ANKRD6: variants seen among roughly 807,000 people sequenced by gnomAD.
The protein encoded by ANKRD6 is ankyrin repeat domain 6, also known as ankyrin repeat domain-containing protein 6.
Under a neutral mutation model 82.3 loss-of-function variants are expected in ANKRD6, and 56 were observed. The observed-to-expected ratio is 0.68, with a 90% CI of 0.55 to 0.85. The LOEUF is 0.85. Among genes scored for constraint, ANKRD6 ranks in the 40% least tolerant of loss-of-function variants. The probability of loss-of-function intolerance (pLI) is 0.00; values close to 1 mark genes in which losing one functional copy is unlikely to be tolerated. For missense variants in ANKRD6, 852 were observed against 907.6 expected (o/e 0.94, Z 0.79); for synonymous variants, 347 against 352.1 (o/e 0.99, Z 0.16).
intron 2 of ANKRD6, among the ~76,000 whole-genome samples, chr6:89,583,851 C>T (rs1793134865): frequency 1.3e-5 from 2 of 152,192 alleles, no homozygotes; most frequent in African/African-American, 2.4e-5. Context: ...CTGTTTGCCC[C>T]CTGCTTCTCT....
Position 89,630,485 on chromosome 6 carries a change from C to G in ANKRD6, c.1665C>G (p.Ser555=). The part of the protein sequence containing the change: ...TAGPAAASDS[S]PPVVRPKEKA... ...GTCCAGCAGCAGCTTCCGACAGCTC[C>G]CCTCCAGTGGTTAGGCCCAAAGAGA... Residue 555 remains serine, a synonymous_variant, in exon 16 of 16, where the codon TCC becomes TCG. Transcript: ENST00000339746. The G allele has an allele frequency of 6.2e-7, 1 of 1,613,990 alleles. No homozygotes were observed. Among genetic ancestry groups the G allele is most frequent in the Non-Finnish European group, 8.5e-7 (1 of 1,179,878 alleles).
chr6:89,545,162 G>T (rs559151524), intron 1 of ANKRD6, among the ~76,000 whole-genome samples: 1 of 145,178 alleles, frequency 6.9e-6, no homozygotes, highest in East Asian at 2.0e-4. Context: ...GCAGTGAGCC[G>T]AGATCACGCC....
At chr6:89,504,712 G>A (rs190191570) in intron 1 of ANKRD6, among the ~76,000 whole-genome samples, 107 of 152,260 alleles carry the variant, frequency 7.0e-4, no homozygotes, top group Middle Eastern at 3.4e-3. Flanking sequence ...GCTGAAGGAC[G>A]GTCTTGAAGT....
chr6:89,608,720 C>T (rs771018908), intron 5 of ANKRD6, among the ~76,000 whole-genome samples: 1 of 152,114 alleles, frequency 6.6e-6, no homozygotes, highest in African/African-American at 2.4e-5. Flanking sequence ...CATCCGTCTC[C>T]CCTCTCCAGT....
chr6:89,453,120 T>G (rs908654303), intron 1 of ANKRD6, among the ~76,000 whole-genome samples: 1 of 152,318 alleles, frequency 6.6e-6, no homozygotes, highest in South Asian at 2.1e-4. Flanking sequence ...CCATCCCAAT[T>G]GTCATTCCCT....
intron 1 of ANKRD6, among the ~76,000 whole-genome samples, chr6:89,533,030 T>C (rs1447275818): frequency 6.6e-6 from 1 of 152,080 alleles, no homozygotes; most frequent in Non-Finnish European, 1.5e-5. Flanking sequence ...CGTGCTGCCA[T>C]ATTTGGCTAA....
intron 1 of ANKRD6, among the ~76,000 whole-genome samples, chr6:89,514,375 C>T (rs2127950039): frequency 6.6e-6 from 1 of 151,870 alleles, no homozygotes; most frequent in South Asian, 2.1e-4. Context: ...AAGACTCCAT[C>T]TCAAAAAAAA....
At chr6:89,439,076 C>T (rs1429065534) in intron 1 of ANKRD6, among the ~76,000 whole-genome samples, 2 of 152,042 alleles carry the variant, frequency 1.3e-5, no homozygotes, top group Non-Finnish European at 2.9e-5. Context: ...ATACAGGAAA[C>T]AAATGTATCA....
chr6:89,629,172 A>C lies in ANKRD6; in HGVS notation c.1546A>C (p.Lys516Gln). The C allele has an allele frequency of 6.2e-7, 1 of 1,613,868 alleles. No individual in the cohort carries two copies. Among genetic ancestry groups the C allele is most frequent in the Non-Finnish European group, 8.5e-7 (1 of 1,179,858 alleles). Reference sequence around the variant, plus strand: ...GTTAAAGATTCAGAATCTGGAGCAGAAGCTTTCTGGAGATTCTAGGGCCTG... The same window carrying C: ...GTTAAAGATTCAGAATCTGGAGCAGCAGCTTTCTGGAGATTCTAGGGCCTG... Reference protein sequence around the residue: ...CMLKIQNLEQKLSGDSRACRA... With the variant: ...CMLKIQNLEQQLSGDSRACRA... The change falls in exon 15 of 16, where the codon AAG (lysine) becomes CAG (glutamine). Residue 516 changes from lysine to glutamine, a missense_variant. By Grantham distance (53) the Lys-to-Gln change is moderately conservative. Transcript: ENST00000339746.
chr6:89,436,871 C>G (rs944874546), intron 1 of ANKRD6, among the ~76,000 whole-genome samples: 1 of 152,186 alleles, frequency 6.6e-6, no homozygotes, highest in Non-Finnish European at 1.5e-5. Flanking sequence ...TCTTCCTCAT[C>G]CCGTCAAGGG....
chr6:89,521,118 T>A (rs1045240220), intron 1 of ANKRD6, among the ~76,000 whole-genome samples: 1 of 152,264 alleles, frequency 6.6e-6, no homozygotes, highest in Non-Finnish European at 1.5e-5. Flanking sequence ...GCTTCATTTT[T>A]AAATAAGTAT....
chr6:89,549,943 A>C (rs1167746605), intron 1 of ANKRD6, among the ~76,000 whole-genome samples: 2 of 152,150 alleles, frequency 1.3e-5, no homozygotes, highest in African/African-American at 2.4e-5. Flanking sequence ...AAAAGAAAAA[A>C]AAATTAGCCA....
chr6:89,567,238 G>T, intron 2 of ANKRD6, 142 bp downstream of exon 2: 1 of 1,212,468 alleles, frequency 8.2e-7, no homozygotes, highest in South Asian at 1.7e-5. Context: ...GGAGAAGGAG[G>T]ATTATTAAGA....
chr6:89,633,551 T>C lies in ANKRD6; in HGVS notation c.*2547T>C, dbSNP rs1052432273. The C allele has an allele frequency of 6.6e-6, 1 of 152,210 alleles. No homozygotes were observed. The highest frequency in any genetic ancestry group is 2.4e-5 in the African/African-American group (1 of 41,452). 9.4% of individuals were successfully genotyped at this position (152,210 alleles called of 1,614,324 possible). A position where few individuals can be genotyped will look rare whatever the true frequency, so the allele number is the denominator to read the frequency against. On this transcript the variant is annotated 3_prime_UTR_variant, in exon 16 of 16. Transcript: ENST00000339746. ...GGGAAAAACTAAAACACAGAAATAC[T>C]GTACAGTATTAGTGTTTTTTTAAAG...
intron 1 of ANKRD6, among the ~76,000 whole-genome samples, chr6:89,476,700 A>T (rs1416187330): frequency 2.0e-5 from 3 of 152,250 alleles, no homozygotes; most frequent in Non-Finnish European, 4.4e-5. Flanking sequence ...TATAAAAGTA[A>T]TACAGTGCTT....
chr6:89,630,924 A>G lies in ANKRD6; in HGVS notation c.2104A>G (p.Lys702Glu). ...AGCCAATCAGAAAGCCCAGCAAGAT[A>G]AGGCTACATTGAAGGAACACATTAA... ...SQANQKAQQDKATLKEHIKSL... is the reference protein window; with the variant it reads ...SQANQKAQQDEATLKEHIKSL... The change falls in exon 16 of 16, where the codon AAG (lysine) becomes GAG (glutamate). Residue 702 changes from lysine to glutamate, a missense_variant. By Grantham distance (56) the Lys-to-Glu change is moderately conservative. Transcript: ENST00000339746. 1 of 1,610,582 alleles carries G rather than the reference A, an allele frequency of 6.2e-7. No individual in the cohort carries two copies. Among genetic ancestry groups the G allele is most frequent in the East Asian group, 2.2e-5 (1 of 44,868 alleles).
intron 1 of ANKRD6, among the ~76,000 whole-genome samples, chr6:89,441,002 A>AAAACATGTT (rs1489063099): frequency 6.6e-6 from 1 of 152,118 alleles, no homozygotes; most frequent in Non-Finnish European, 1.5e-5. Flanking sequence ...TTTTTACAGA[A>AAAACATGTT]AAACATGTTG....
intron 1 of ANKRD6, among the ~76,000 whole-genome samples, chr6:89,507,916 A>G (rs1780066480): frequency 1.3e-5 from 2 of 152,150 alleles, no homozygotes. Context: ...TGTGTCCTAG[A>G]ATGATCCAGC....
At chr6:89,564,353 A>G (rs980959922) in intron 1 of ANKRD6, among the ~76,000 whole-genome samples, 4 of 152,142 alleles carry the variant, frequency 2.6e-5, no homozygotes, top group South Asian at 2.1e-4. Flanking sequence ...TGCTTGGCCA[A>G]TGTTTTCTCA....
Sources: allele counts gnomAD v4.1 joint callset (sites outside exome capture counted in the v4.1 genomes callset), GRCh38; gene constraint gnomAD v4.1.1; transcripts MANE v1.5; gene names NCBI Gene and HGNC (gene_info 2026-07-23, HGNC 2026-07-21).